AKAP19: variants seen among roughly 807,000 people sequenced by gnomAD.
AKAP19 encodes small A-kinase anchoring protein.
chr2:190,007,758 C>T, the AKAP19 span, among the ~76,000 whole-genome samples: 10 of 151,996 alleles, frequency 6.6e-5, no homozygotes, highest in Non-Finnish European at 1.3e-4. Context: ...CTCAGGAGTT[C>T]GAGACCAGCC....
the AKAP19 span, among the ~76,000 whole-genome samples, chr2:190,070,281 T>C: frequency 6.6e-6 from 1 of 152,138 alleles, no homozygotes; most frequent in Non-Finnish European, 1.5e-5. Context: ...TATAACATCA[T>C]TACTTAACTC....
the AKAP19 span, among the ~76,000 whole-genome samples, chr2:190,042,900 T>G: frequency 6.6e-6 from 1 of 152,342 alleles, no homozygotes; most frequent in South Asian, 2.1e-4. Flanking sequence ...GGTAATGAAG[T>G]CCCTCAACAT....
chr2:190,125,856 T>C, the AKAP19 span, among the ~76,000 whole-genome samples: 35 of 152,152 alleles, frequency 2.3e-4, 1 homozygote, highest in African/African-American at 7.7e-4. Flanking sequence ...TTCCCAGAGG[T>C]ATAGATTTTC....
the AKAP19 span, among the ~76,000 whole-genome samples, chr2:189,971,895 T>A: frequency 1.3e-5 from 2 of 151,544 alleles, no homozygotes; most frequent in Non-Finnish European, 3.0e-5. Flanking sequence ...CTTTGTCAGA[T>A]CAGTAGATTG....
the AKAP19 span, chr2:190,057,174 T>C: frequency 1.4e-6 from 2 of 1,471,896 alleles, no homozygotes; most frequent in African/African-American, 1.4e-5. Flanking sequence ...GCCTATAGCC[T>C]GTGGTACTTA....
At chr2:190,081,040 C>T in the AKAP19 span, among the ~76,000 whole-genome samples, 2 of 152,112 alleles carry the variant, frequency 1.3e-5, no homozygotes, top group Admixed American at 6.5e-5. Context: ...TATTTTACTC[C>T]AAAATATACT....
chr2:189,960,373 C>T, the AKAP19 span, among the ~76,000 whole-genome samples: 2 of 152,170 alleles, frequency 1.3e-5, no homozygotes, highest in African/African-American at 4.8e-5. Context: ...AAATACGTGG[C>T]TTAGGCAGCT....
At chr2:190,119,451 A>G in the AKAP19 span, among the ~76,000 whole-genome samples, 1 of 152,218 alleles carries the variant, frequency 6.6e-6, no homozygotes, top group African/African-American at 2.4e-5. Flanking sequence ...TAGTCTTTTA[A>G]CACGCAAATG....
chr2:190,202,769 T>C, the AKAP19 span: 1 of 167,042 alleles, frequency 6.0e-6, no homozygotes, highest in African/African-American at 2.4e-5. Context: ...AGCCTCCAGG[T>C]GGCAACATGG....
At chr2:189,934,584 C>A in the AKAP19 span, among the ~76,000 whole-genome samples, 1 of 150,796 alleles carries the variant, frequency 6.6e-6, no homozygotes, top group Admixed American at 6.6e-5. Context: ...TTTAAGGGTG[C>A]CCTTTTAATA....
chr2:190,176,755 T>C, the AKAP19 span, among the ~76,000 whole-genome samples: 1 of 152,262 alleles, frequency 6.6e-6, no homozygotes, highest in African/African-American at 2.4e-5. This position sits in a 1 kb window ranked among gnomAD's most constrained non-coding sequence, Gnocchi z 4.7. Flanking sequence ...TGCTTCTGAA[T>C]TTTTAAAGCT....
chr2:189,942,225 T>G, the AKAP19 span, among the ~76,000 whole-genome samples: 1 of 152,006 alleles, frequency 6.6e-6, no homozygotes, highest in African/African-American at 2.4e-5. Flanking sequence ...TGCTAGTGAG[T>G]TCTTATGAGA....
At chr2:190,072,568 T>C in the AKAP19 span, among the ~76,000 whole-genome samples, 5 of 152,074 alleles carry the variant, frequency 3.3e-5, no homozygotes, top group East Asian at 9.6e-4. Context: ...CAATGAAAAA[T>C]CAATCTTATT....
the AKAP19 span, among the ~76,000 whole-genome samples, chr2:190,035,113 A>C: frequency 6.6e-6 from 1 of 152,092 alleles, no homozygotes; most frequent in African/African-American, 2.4e-5. Flanking sequence ...ATAAAGATTG[A>C]AAAGTTGGGA....
chr2:190,066,574 A>G, the AKAP19 span, among the ~76,000 whole-genome samples: 1 of 152,220 alleles, frequency 6.6e-6, no homozygotes, highest in South Asian at 2.1e-4. Flanking sequence ...AAAAATCTGC[A>G]TAGTACTCAA....
the AKAP19 span, chr2:190,199,738 T>A: frequency 6.7e-7 from 1 of 1,501,148 alleles, no homozygotes; most frequent in Non-Finnish European, 8.8e-7. Flanking sequence ...GAACATTGAT[T>A]ACTGAAGTGC....
At chr2:190,002,342 G>C in the AKAP19 span, among the ~76,000 whole-genome samples, 5 of 152,132 alleles carry the variant, frequency 3.3e-5, no homozygotes, top group East Asian at 7.7e-4. Context: ...TGGAACTTCT[G>C]TTTATCTCTG....
chr2:190,037,376 C>A, the AKAP19 span, among the ~76,000 whole-genome samples: 6 of 152,196 alleles, frequency 3.9e-5, no homozygotes, highest in Non-Finnish European at 8.8e-5. Flanking sequence ...AGATCTAAGT[C>A]AACCTGAGGC....
the AKAP19 span, among the ~76,000 whole-genome samples, chr2:190,061,650 T>C: frequency 1.3e-5 from 2 of 152,076 alleles, no homozygotes; most frequent in African/African-American, 4.8e-5. Context: ...TTATTGTTCT[T>C]ACTAACACAT....
Sources: allele counts gnomAD v4.1 joint callset (sites outside exome capture counted in the v4.1 genomes callset), GRCh38; gene constraint gnomAD v4.1.1; non-coding constraint Gnocchi (gnomAD v3.1); transcripts MANE v1.5; gene names NCBI Gene and HGNC (gene_info 2026-07-23, HGNC 2026-07-21).